The following TXNRD2 variants were observed in gnomAD, a reference collection of about 807,000 sequenced individuals.
The protein encoded by TXNRD2 is thioredoxin reductase 2, mitochondrial.
In TXNRD2, 67 loss-of-function variants were observed where a neutral mutation model predicts 70.8. The ratio of observed to expected loss-of-function variants is 0.95; its 90% confidence interval spans 0.78 to 1.16. The LOEUF (loss-of-function observed/expected upper bound fraction) is 1.16, where lower values mean the gene tolerates loss of function less well. Ranked by LOEUF, TXNRD2 falls within the 50% of genes most tolerant of loss-of-function variation. The pLI is 0.00. For synonymous variants in TXNRD2, 301 were observed against 295.8 expected (o/e 1.02, Z -0.18); for missense variants, 644 against 719.9 (o/e 0.89, Z 1.21).
At chr22:19,878,615 G>A (rs966925427) in intron 14 of TXNRD2, among the ~76,000 whole-genome samples, 178 bp from the exon 15 acceptor site, 3 of 152,228 alleles carry the variant, frequency 2.0e-5, no homozygotes, top group African/African-American at 7.2e-5. Flanking sequence ...GTGTGTGCAG[G>A]CCCTCTCACG....
At position 19,916,964 on chromosome 22, in the gene TXNRD2, G is replaced by A. The variant is rs572643009; in HGVS notation, c.450-1121C>T. On this transcript the variant is annotated intron_variant, in intron 5 of 17. Transcript: ENST00000400521. Reference sequence around the variant, plus strand: ...GCAGCAAGGGTTCTGGGAAGGCTCTGCCTCCTGCTTGAGCCTGCCTTCTCC... The same window carrying A: ...GCAGCAAGGGTTCTGGGAAGGCTCTACCTCCTGCTTGAGCCTGCCTTCTCC... Among the ~76,000 whole-genome samples, 12 of 152,294 alleles carry A rather than the reference G, an allele frequency of 7.9e-5. No individual in the cohort carries two copies. In the East Asian group the frequency reaches 2.1e-3, roughly 27 times the overall value.
chr22:19,915,159 A>T (rs951269924), intron 7 of TXNRD2, 55 bp downstream of exon 7: 6 of 1,567,620 alleles, frequency 3.8e-6, no homozygotes, highest in Non-Finnish European at 5.3e-6. Flanking sequence ...GTATCCCTCA[A>T]AGAGGCCGGG....
At position 19,895,456 on chromosome 22, in the gene TXNRD2, G is replaced by C. The variant is rs1392910987; in HGVS notation, c.900C>G (p.Thr300=). ...GQLQVTWEDS[T]TGKEDTGTFD... Reference sequence around the variant, plus strand: ...AGGTGCCCGTGTCCTCCTTGCCGGTGGTGCTGTCCTCCCAGGTGACCTGCA... The same window carrying C: ...AGGTGCCCGTGTCCTCCTTGCCGGTCGTGCTGTCCTCCCAGGTGACCTGCA... Residue 300 remains threonine (T), a synonymous_variant, in exon 11 of 18, where the codon ACC becomes ACG. Coordinates refer to ENST00000400521, the MANE Select transcript of TXNRD2 (RefSeq NM_006440.5). The C allele has an allele frequency of 6.2e-7, 1 of 1,614,012 alleles. No homozygotes were observed. The highest frequency in any genetic ancestry group is 2.2e-5 in the East Asian group (1 of 44,880).
chr22:19,922,833 C>G (rs1274162849), intron 2 of TXNRD2, among the ~76,000 whole-genome samples: 1 of 152,104 alleles, frequency 6.6e-6, no homozygotes, highest in Non-Finnish European at 1.5e-5. Context: ...ATTACAGGTG[C>G]GCACCACCAT....
At chr22:19,919,458 G>A (rs754130014) in intron 3 of TXNRD2, 85 bp downstream of exon 3, 40 of 1,219,816 alleles carry the variant, frequency 3.3e-5, no homozygotes, top group Non-Finnish European at 4.5e-5. Flanking sequence ...GAAGGACTTT[G>A]GTGTCAGCTG....
intron 13 of TXNRD2, 124 bp from the exon 14 acceptor site, chr22:19,880,395 CA>C (rs1938712492): frequency 2.4e-5 from 26 of 1,077,450 alleles, no homozygotes; most frequent in Non-Finnish European, 3.3e-5. Flanking sequence ...AGGCTGCAAG[CA>C]CAGTAGGCGA....
At chr22:19,886,246 G>A (rs1169460199) in intron 11 of TXNRD2, among the ~76,000 whole-genome samples, 1 of 152,256 alleles carries the variant, frequency 6.6e-6, no homozygotes, top group Admixed American at 6.5e-5. Flanking sequence ...GTGCAGGGAA[G>A]AGGCCAGCTC....
intron 2 of TXNRD2, among the ~76,000 whole-genome samples, chr22:19,928,103 C>T (rs1941218807): frequency 8.7e-6 from 1 of 114,850 alleles, no homozygotes. Context: ...CCTCATCTTT[C>T]TTTTTTTTAA....
intron 2 of TXNRD2, among the ~76,000 whole-genome samples, chr22:19,928,677 G>A (rs1040692561): frequency 2.0e-5 from 3 of 152,160 alleles, no homozygotes; most frequent in African/African-American, 7.2e-5. Flanking sequence ...TAGCACTTCA[G>A]AATGTGACTG....
intron 8 of TXNRD2, among the ~76,000 whole-genome samples, chr22:19,903,475 G>C (rs1035720313): frequency 6.6e-6 from 1 of 152,210 alleles, no homozygotes; most frequent in African/African-American, 2.4e-5. Context: ...GGCACTGAGG[G>C]AGAAGACGAA....
chr22:19,908,220 C>T (rs1267158300), intron 8 of TXNRD2, among the ~76,000 whole-genome samples: 1 of 151,944 alleles, frequency 6.6e-6, no homozygotes, highest in Non-Finnish European at 1.5e-5. Flanking sequence ...TAGCAGTGAC[C>T]ACTGCCCAGG....
intron 8 of TXNRD2, among the ~76,000 whole-genome samples, chr22:19,907,265 A>G (rs1480945057): frequency 5.8e-5 from 3 of 51,560 alleles, no homozygotes; most frequent in African/African-American, 2.4e-4. Flanking sequence ...CGCCGTGGGT[A>G]GCAGTGACCG....
intron 7 of TXNRD2, among the ~76,000 whole-genome samples, chr22:19,912,188 T>C (rs905594655): frequency 1.3e-5 from 2 of 152,124 alleles, no homozygotes; most frequent in East Asian, 3.9e-4. Flanking sequence ...TTAGCGGCCA[T>C]GAGAACAAGA....
At chr22:19,906,946 A>G (rs1458972152) in intron 8 of TXNRD2, among the ~76,000 whole-genome samples, 13 of 62,596 alleles carry the variant, frequency 2.1e-4, no homozygotes, top group Admixed American at 7.5e-4. Context: ...GGGCACCGTA[A>G]GTAGCAGTGA....
At position 19,877,171 on chromosome 22, in the gene TXNRD2, C is replaced by T. The variant is rs200619889; in HGVS notation, c.1509G>A (p.Glu503=). Residue 503 remains glutamate, a synonymous_variant, in exon 17 of 18, where the codon GAG becomes GAA. Coordinates refer to ENST00000400521, the MANE Select transcript of TXNRD2 (RefSeq NM_006440.5). ...GCTTGGAGATGCGCAGCTTGACTAC[C>T]TCCTCAGAGCATGTGGGATGGATAC... ...TVGIHPTCSE[E]VVKLRISKRS... is the part of the protein sequence containing the mutation. 4.5e-4 allele frequency: 727 copies of T among 1,610,810 alleles called. 5 individuals are homozygous for T. Among genetic ancestry groups the T allele is most frequent in the South Asian group, 3.5e-3 (318 of 91,050 alleles).
chr22:19,883,437 AG>A lies in TXNRD2; in HGVS notation c.973del (p.Leu325Ter). On this transcript the variant is annotated frameshift_variant, in exon 12 of 18. Coordinates refer to ENST00000400521, the MANE Select transcript of TXNRD2 (RefSeq NM_006440.5). LOFTEE classifies it high-confidence loss of function. ...ATCTACCCCAGCCTTCTCCAAATTC[AG>A]ACTTCTGGTGTCTGGGACTCGACCT... The part of the protein sequence containing the change: ...AIGRVPDTRS[L>X]NLEKAGVDTS... 1 of 1,614,046 alleles carries A rather than the reference AG, an allele frequency of 6.2e-7. No individual in the cohort carries two copies. Among genetic ancestry groups the A allele is most frequent in the Non-Finnish European group, 8.5e-7 (1 of 1,180,034 alleles).
chr22:19,886,705 G>A (rs1939048594), intron 11 of TXNRD2, among the ~76,000 whole-genome samples: 1 of 152,252 alleles, frequency 6.6e-6, no homozygotes, highest in South Asian at 2.1e-4. Context: ...TCCCAGCTGT[G>A]CCTGTGGCCC....
Position 19,925,095 on chromosome 22 carries a change from T to C in TXNRD2, c.173-5496A>G, listed in dbSNP as rs140735009. On this transcript the variant is annotated intron_variant, in intron 2 of 17. Coordinates refer to ENST00000400521, the MANE Select transcript of TXNRD2 (RefSeq NM_006440.5). ...GTCAGGAGATCGAGACCATCCTGGCTAACACGGCGAAGCCCCGTTTCTACT... is the reference window on the plus strand; with the variant it reads ...GTCAGGAGATCGAGACCATCCTGGCCAACACGGCGAAGCCCCGTTTCTACT... Among the ~76,000 whole-genome samples, 459 of 149,858 alleles carry C rather than the reference T, an allele frequency of 3.1e-3. 12 individuals are homozygous for C. The South Asian group carries it at 0.032, about 10-fold the overall frequency.
intron 2 of TXNRD2, among the ~76,000 whole-genome samples, chr22:19,924,303 C>T (rs780016755): frequency 6.6e-5 from 10 of 152,066 alleles, no homozygotes; most frequent in South Asian, 2.1e-4. Context: ...GCAAACAGGG[C>T]GTTCATCTTC....
Sources: allele counts gnomAD v4.1 joint callset (sites outside exome capture counted in the v4.1 genomes callset), GRCh38; gene constraint gnomAD v4.1.1; transcripts MANE v1.5; gene names NCBI Gene and HGNC (gene_info 2026-07-23, HGNC 2026-07-21).